Variants in MAML2 observed in about 807,000 individuals in gnomAD.
The protein encoded by MAML2 is mastermind like transcriptional coactivator 2, also known as mastermind-like protein 2.
MAML2 carries 22 observed loss-of-function variants against 96.1 expected under a neutral mutation model. The ratio of observed to expected loss-of-function variants is 0.23; its 90% CI spans 0.16 to 0.33. The LOEUF (loss-of-function observed/expected upper bound fraction) is 0.33, where lower values mean the gene tolerates loss of function less well. Among genes scored for constraint, MAML2 ranks in the 10% least tolerant of loss-of-function variants. MAML2 has a pLI of 1.00. For synonymous variants in MAML2, 561 were observed against 521.3 expected (o/e 1.08, Z -1.04); for missense variants, 1,367 against 1,392.4 (o/e 0.98, Z 0.29).
At chr11:96,279,372 G>A (rs1863033848) in intron 1 of MAML2, among the ~76,000 whole-genome samples, 2 of 152,208 alleles carry the variant, frequency 1.3e-5, no homozygotes, top group Non-Finnish European at 2.9e-5. Context: ...GCTGGAGTGG[G>A]TCATTTGCAG....
At chr11:96,335,618 A>C (rs1319580865) in intron 1 of MAML2, among the ~76,000 whole-genome samples, 1 of 152,224 alleles carries the variant, frequency 6.6e-6, no homozygotes, top group Non-Finnish European at 1.5e-5. Flanking sequence ...GCACTTAGGC[A>C]ATGCGCTGTG....
In MAML2 at chr11:96,295,722, A is replaced by G. The variant is rs189254248; in HGVS notation, c.513+45661T>C. On this transcript the variant is annotated intron_variant, in intron 1 of 4. Transcript: ENST00000524717. ...CACACACACACACACTTGCATGAAC[A>G]TAAATGTATATGAACATACATGTAC... 2.0e-5 allele frequency among the ~76,000 whole-genome samples: 3 copies of G among 149,498 alleles called. No individual in the cohort carries two copies. In the East Asian group the frequency reaches 5.9e-4, roughly 29 times the overall value.
At chr11:96,211,595 G>A (rs1861972630) in intron 1 of MAML2, among the ~76,000 whole-genome samples, 1 of 152,124 alleles carries the variant, frequency 6.6e-6, no homozygotes. Context: ...GAGAAGGGAA[G>A]ATCAGAGGTA....
intron 1 of MAML2, among the ~76,000 whole-genome samples, chr11:96,297,532 G>A (rs1044521117): frequency 1.3e-5 from 2 of 152,024 alleles, no homozygotes; most frequent in Admixed American, 6.6e-5. Context: ...CCGAGATCAC[G>A]CCACTGCACT....
chr11:96,143,373 G>C (rs1860765366), intron 1 of MAML2, among the ~76,000 whole-genome samples: 1 of 152,154 alleles, frequency 6.6e-6, no homozygotes, highest in South Asian at 2.1e-4. Context: ...AATATTAATA[G>C]GAAACAGGAA....
chr11:96,022,781 T>C (rs1185536782), intron 2 of MAML2, among the ~76,000 whole-genome samples: 1 of 152,114 alleles, frequency 6.6e-6, no homozygotes, highest in African/African-American at 2.4e-5. Context: ...CTCACAAGGA[T>C]CAGATGAAAG....
intron 2 of MAML2, among the ~76,000 whole-genome samples, chr11:96,020,947 G>T (rs764733218): frequency 6.6e-5 from 10 of 152,100 alleles, no homozygotes; most frequent in Non-Finnish European, 1.5e-4. Flanking sequence ...AAAAGAGTAG[G>T]GACAACTATG....
chr11:96,100,451 A>C (rs1019267929), intron 1 of MAML2, among the ~76,000 whole-genome samples: 3 of 151,890 alleles, frequency 2.0e-5, no homozygotes, highest in African/African-American at 7.3e-5. Flanking sequence ...CTGGGATTAA[A>C]GGTGTGCACC....
intron 1 of MAML2, among the ~76,000 whole-genome samples, chr11:96,201,312 G>C (rs1861818655): frequency 6.6e-6 from 1 of 152,186 alleles, no homozygotes; most frequent in Non-Finnish European, 1.5e-5. Flanking sequence ...GGGAAGAAGA[G>C]AAGGATGTTT....
intron 2 of MAML2, among the ~76,000 whole-genome samples, chr11:96,032,880 G>T (rs968718776): frequency 6.6e-6 from 1 of 152,166 alleles, no homozygotes; most frequent in Admixed American, 6.5e-5. Flanking sequence ...GACTGAAGGT[G>T]GGGGAAGAGG....
At chr11:96,141,878 C>A (rs1167437727) in intron 1 of MAML2, among the ~76,000 whole-genome samples, 1 of 152,230 alleles carries the variant, frequency 6.6e-6, no homozygotes, top group African/African-American at 2.4e-5. Context: ...ACAGGGCTGT[C>A]TCTGCAGGTG....
chr11:96,121,779 G>GTTTT (rs1405872923), intron 1 of MAML2, among the ~76,000 whole-genome samples: 4 of 40,798 alleles, frequency 9.8e-5, no homozygotes, highest in Non-Finnish European at 1.4e-4. Context: ...CCAACTGCGT[G>GTTTT]ATTTTTTTTT....
At chr11:96,069,250 CCCTCCCTT>C (rs1859300873) in intron 2 of MAML2, among the ~76,000 whole-genome samples, 1 of 151,656 alleles carries the variant, frequency 6.6e-6, no homozygotes. Flanking sequence ...TTCCCTCCCT[CCCTCCCTT>C]CCTCCCTTCC....
rs187523200 is a variant in MAML2 at position 96,084,769 on chromosome 11, C to A, written c.2139+7123G>T. ...GCCAAAGACCAGAAAGTGCGATACA[C>A]ACACTCCTGTGCTCACCCACACAGA... is the stretch of plus-strand genomic sequence containing the variant. On this transcript the variant is annotated intron_variant, in intron 2 of 4. Transcript: ENST00000524717. Among the ~76,000 whole-genome samples the A allele has an allele frequency of 1.7e-3, 265 of 152,256 alleles. 1 individual carries two copies. The highest frequency in any genetic ancestry group is 2.1e-3 in the Non-Finnish European group (144 of 68,030).
At chr11:96,319,471 T>C (rs748557621) in intron 1 of MAML2, among the ~76,000 whole-genome samples, 18 of 152,358 alleles carry the variant, frequency 1.2e-4, no homozygotes, top group African/African-American at 3.8e-4. Flanking sequence ...GTTATTAGCA[T>C]GGCAACTGGA....
At chr11:96,002,752 TGAG>T (rs142748569) in intron 2 of MAML2, among the ~76,000 whole-genome samples, 4 of 135,506 alleles carry the variant, frequency 3.0e-5, no homozygotes, top group East Asian at 2.4e-4. Flanking sequence ...ATCGGGATGA[TGAG>T]GAGGATGATG....
At chr11:96,084,707 C>G (rs546682868) in intron 2 of MAML2, among the ~76,000 whole-genome samples, 2 of 152,304 alleles carry the variant, frequency 1.3e-5, no homozygotes, top group East Asian at 3.9e-4. Context: ...GGAGAAAGAA[C>G]TGGACAAAGA....
chr11:96,073,445 CAAGTAG>C (rs938009393), intron 2 of MAML2, among the ~76,000 whole-genome samples: 1 of 151,806 alleles, frequency 6.6e-6, no homozygotes, highest in East Asian at 1.9e-4. Context: ...CTCAGCCTCC[CAAGTAG>C]CTGGGACTAC....
At chr11:96,227,905 C>T (rs72975980) in intron 1 of MAML2, among the ~76,000 whole-genome samples, 414 of 152,284 alleles carry the variant, frequency 2.7e-3, no homozygotes, top group African/African-American at 6.5e-3. Flanking sequence ...AGTTTGAGAC[C>T]GGCCTGGCCA....
Sources: gnomAD v4.1 joint callset for allele counts (sites outside exome capture counted in the v4.1 genomes callset) on GRCh38, gnomAD v4.1.1 for gene constraint, MANE v1.5 for transcripts, NCBI Gene and HGNC (gene_info 2026-07-23, HGNC 2026-07-21) for gene names.